USP33: variants seen among roughly 807,000 people sequenced by gnomAD.
USP33 encodes the protein ubiquitin carboxyl-terminal hydrolase 33.
In USP33, 46 loss-of-function variants were observed where a neutral mutation model predicts 124.2. That is an observed-to-expected ratio of 0.37 (90% CI 0.29 to 0.47). USP33 has a LOEUF of 0.47. Ranked by LOEUF, USP33 falls within the 20% of genes least tolerant of loss-of-function variation. The pLI, the probability that USP33 is intolerant of heterozygous loss-of-function variation, is 0.99. For synonymous variants in USP33, 350 were observed against 352.3 expected, an observed-to-expected ratio of 0.99 and a Z score of 0.07; for missense variants, 851 against 1,070.6, an observed-to-expected ratio of 0.79 and a Z score of 2.86.
chr1:77,713,385 T>G, intron 19 of USP33, 104 bp from the exon 20 acceptor site: 7 of 967,946 alleles, frequency 7.2e-6, no homozygotes, highest in Non-Finnish European at 1.1e-5. Flanking sequence ...AGATCAATCA[T>G]CATTGTTTTT....
intron 1 of USP33, among the ~76,000 whole-genome samples, chr1:77,744,746 G>A (rs2101573715): frequency 6.6e-6 from 1 of 152,250 alleles, no homozygotes; most frequent in South Asian, 2.1e-4. Flanking sequence ...TCACGAGGCT[G>A]AGGTGAGAGG....
intron 7 of USP33, among the ~76,000 whole-genome samples, 190 bp from the exon 8 acceptor site, chr1:77,730,921 C>T (rs978635379): frequency 6.6e-6 from 1 of 152,194 alleles, no homozygotes. Context: ...CCCAGCATAT[C>T]AAGAGTCCTC....
chr1:77,745,875 T>G (rs1370733381), intron 1 of USP33, among the ~76,000 whole-genome samples: 4 of 152,216 alleles, frequency 2.6e-5, no homozygotes, highest in Middle Eastern at 3.4e-3. Flanking sequence ...GGGACACATT[T>G]AAAGCAGTGT....
chr1:77,751,092 T>A (rs1277559582), intron 1 of USP33, among the ~76,000 whole-genome samples: 1 of 152,224 alleles, frequency 6.6e-6, no homozygotes, highest in African/African-American at 2.4e-5. Flanking sequence ...TTTGCAAAAC[T>A]AAGACTCCTG....
intron 19 of USP33, 54 bp downstream of exon 19, chr1:77,714,560 C>T (rs1212062140): frequency 1.9e-6 from 3 of 1,558,790 alleles, no homozygotes; most frequent in Non-Finnish European, 2.6e-6. Flanking sequence ...TCCTAATTTG[C>T]AAATTATTTT....
chr1:77,706,632 C>T (rs752489338), intron 21 of USP33, among the ~76,000 whole-genome samples: 2 of 152,198 alleles, frequency 1.3e-5, no homozygotes, highest in African/African-American at 2.4e-5. Flanking sequence ...GGCTTACTTC[C>T]ATAAAATTCA....
At chr1:77,717,027 G>A (rs1557829429) in intron 17 of USP33, among the ~76,000 whole-genome samples, 1 of 151,656 alleles carries the variant, frequency 6.6e-6, no homozygotes, top group Non-Finnish European at 1.5e-5. Flanking sequence ...CATCATGCTT[G>A]GCTAATTTTT....
rs764075505 is a variant in USP33 at position 77,739,409 on chromosome 1, C to T, written c.207G>A (p.Lys69=). ...DHSTIHSQET[K]HYLTVNLTTL... is the part of the protein sequence containing the mutation. Reference sequence around the variant, plus strand: ...TGGTAAGGTTCACAGTTAGATAATGCTTTGTCTCCTATATAATTTCACAGT... The same window carrying T: ...TGGTAAGGTTCACAGTTAGATAATGTTTTGTCTCCTATATAATTTCACAGT... Residue 69 remains lysine (K), a synonymous_variant, in exon 5 of 24, where the codon AAG becomes AAA. Coordinates refer to ENST00000370794, the MANE Select transcript of USP33 (RefSeq NM_201624.3). 35 of 1,601,694 alleles carry T rather than the reference C, an allele frequency of 2.2e-5. No homozygotes were observed. Among genetic ancestry groups the T allele is most frequent in the East Asian group, 2.3e-5 (1 of 44,402 alleles).
At chr1:77,714,016 TCTTCAA>T (rs1675586376) in intron 19 of USP33, among the ~76,000 whole-genome samples, 1 of 152,198 alleles carries the variant, frequency 6.6e-6, no homozygotes, top group Non-Finnish European at 1.5e-5. Context: ...GAATATCCCA[TCTTCAA>T]CCTTGAAGTT....
chr1:77,702,543 C>T (rs543619624), intron 21 of USP33, among the ~76,000 whole-genome samples: 16 of 152,172 alleles, frequency 1.1e-4, no homozygotes, highest in African/African-American at 3.9e-4. Flanking sequence ...GTGGGACAGT[C>T]CCTGAAGACC....
At position 77,736,037 on chromosome 1, in the gene USP33, T is replaced by C; in HGVS notation, c.454+19A>G. On this transcript the variant is annotated intron_variant, in intron 6 of 23. Coordinates refer to ENST00000370794, the MANE Select transcript of USP33 (RefSeq NM_201624.3). ...ATGGGCAGTGCCATACAAAGAAGCG[T>C]TACACAGGATTAATTTACCTCTGGC... 1 of 1,564,020 alleles carries C rather than the reference T, an allele frequency of 6.4e-7. No individual in the cohort carries two copies. The highest frequency in any genetic ancestry group is 8.7e-7 in the Non-Finnish European group (1 of 1,143,106).
chr1:77,727,990 C>T (rs1677350357), intron 10 of USP33, among the ~76,000 whole-genome samples: 1 of 152,110 alleles, frequency 6.6e-6, no homozygotes, highest in Admixed American at 6.5e-5. Context: ...TCCAGGATCG[C>T]AACATAATTT....
At chr1:77,697,997 C>T in intron 22 of USP33, 66 bp from the exon 23 acceptor site, 1 of 1,379,552 alleles carries the variant, frequency 7.2e-7, no homozygotes. Context: ...TAATTTTGTG[C>T]TTGACAAAAT....
intron 21 of USP33, among the ~76,000 whole-genome samples, chr1:77,706,534 G>A (rs1674650936): frequency 6.6e-6 from 1 of 152,080 alleles, no homozygotes; most frequent in Non-Finnish European, 1.5e-5. Context: ...ACTATTCTTG[G>A]ACTTAGTGAA....
At chr1:77,700,561 T>C (rs998119785) in intron 22 of USP33, among the ~76,000 whole-genome samples, 16 of 152,232 alleles carry the variant, frequency 1.1e-4, no homozygotes, top group African/African-American at 3.9e-4. Flanking sequence ...TGAGCCATAA[T>C]CATGCTGCTG....
In USP33 at chr1:77,730,736, T is replaced by A; in HGVS notation, c.525-5A>T. On this transcript the variant is annotated splice_region_variant and splice_polypyrimidine_tract_variant and intron_variant, in intron 7 of 23. Coordinates refer to ENST00000370794, the MANE Select transcript of USP33 (RefSeq NM_201624.3). ...AAAAACTGTGTCAAAGGTGGGCTAA[T>A]TTTAAAAAGAGAAAAATGTTAGAGT... 6.4e-7 allele frequency: 1 copy of A among 1,560,200 alleles called. No individual in the cohort carries two copies.
chr1:77,725,235 G>A (rs1321223394), intron 11 of USP33, among the ~76,000 whole-genome samples: 1 of 152,006 alleles, frequency 6.6e-6, no homozygotes, highest in Non-Finnish European at 1.5e-5. Flanking sequence ...TCTAGGAAAA[G>A]GCAAAACAAT....
At chr1:77,707,922 C>T (rs150204102) in intron 21 of USP33, among the ~76,000 whole-genome samples, 36 of 152,024 alleles carry the variant, frequency 2.4e-4, no homozygotes, top group African/African-American at 8.5e-4. Flanking sequence ...CAGACCATAA[C>T]AGGGAAAAGT....
chr1:77,715,412 G>C (rs1675765225), intron 18 of USP33, among the ~76,000 whole-genome samples: 1 of 152,078 alleles, frequency 6.6e-6, no homozygotes, highest in African/African-American at 2.4e-5. Flanking sequence ...TCACCATCTT[G>C]GCCAGGCTGG....
Sources: gnomAD v4.1 joint callset for allele counts (sites outside exome capture counted in the v4.1 genomes callset) on GRCh38, gnomAD v4.1.1 for gene constraint, MANE v1.5 for transcripts, NCBI Gene and HGNC (gene_info 2026-07-23, HGNC 2026-07-21) for gene names.